ERBB4: variants seen among roughly 807,000 people sequenced by gnomAD.
The protein encoded by ERBB4 is erb-b2 receptor tyrosine kinase 4.
ERBB4 carries 42 observed loss-of-function variants against 158.0 expected under a neutral mutation model. The ratio of observed to expected loss-of-function variants is 0.27; its 90% CI spans 0.21 to 0.34. ERBB4 has a LOEUF of 0.34. Among genes scored for constraint, ERBB4 ranks in the 10% least tolerant of loss-of-function variants. The probability of loss-of-function intolerance (pLI) is 1.00; values close to 1 mark genes in which losing one functional copy is unlikely to be tolerated. For missense variants in ERBB4, 1,333 were observed against 1,624.1 expected, an observed-to-expected ratio of 0.82 and a Z score of 3.08; for synonymous variants, 583 against 558.7, an observed-to-expected ratio of 1.04 and a Z score of -0.61.
At chr2:212,022,417 C>T (rs191252551) in intron 2 of ERBB4, among the ~76,000 whole-genome samples, 210 of 152,164 alleles carry the variant, frequency 1.4e-3, no homozygotes, top group Non-Finnish European at 2.4e-3. Context: ...TTATCCTCAC[C>T]AAATTAAAGC....
intron 1 of ERBB4, among the ~76,000 whole-genome samples, chr2:212,462,915 T>C (rs1336267477): frequency 1.3e-5 from 2 of 152,144 alleles, no homozygotes; most frequent in East Asian, 3.8e-4. Flanking sequence ...TAGAATACTC[T>C]TCAGCCATAA....
intron 3 of ERBB4, among the ~76,000 whole-genome samples, chr2:211,861,673 C>A (rs952532849): frequency 5.7e-4 from 87 of 152,142 alleles, no homozygotes; most frequent in African/African-American, 2.0e-3. Context: ...CTTGGGTTAT[C>A]TTTAAGAATA....
rs144679860 is a variant in ERBB4, at chr2:212,117,990, T to C, written c.234+6762A>G. Among the ~76,000 whole-genome samples the C allele has an allele frequency of 6.3e-3, 966 of 152,278 alleles. 9 individuals carry two copies. The highest frequency in any genetic ancestry group is 0.021 in the African/African-American group (893 of 41,556). On this transcript the variant is annotated intron_variant, in intron 2 of 27. Coordinates refer to ENST00000342788, the MANE Select transcript of ERBB4 (RefSeq NM_005235.3). ...TAAATTATCTATTTATTTTGAAATA[T>C]GTACTCTTCAATGTAGGGTTTTTCT...
At chr2:212,164,796 G>A (rs2081299935) in intron 1 of ERBB4, among the ~76,000 whole-genome samples, 1 of 151,864 alleles carries the variant, frequency 6.6e-6, no homozygotes, top group Non-Finnish European at 1.5e-5. Context: ...TAAACTTGAT[G>A]AAGTTCTAAT....
chr2:211,790,772 T>C (rs2076261485), intron 3 of ERBB4, among the ~76,000 whole-genome samples: 1 of 152,000 alleles, frequency 6.6e-6, no homozygotes, highest in Non-Finnish European at 1.5e-5. Context: ...AGTTTATTTA[T>C]GTATTGTTTG....
At chr2:211,785,188 G>A (rs914168187) in intron 4 of ERBB4, among the ~76,000 whole-genome samples, 1 of 147,586 alleles carries the variant, frequency 6.8e-6, no homozygotes, top group Non-Finnish European at 1.5e-5. Flanking sequence ...TGCAAGCCCC[G>A]CCTCCTGGGT....
At chr2:211,917,301 G>A (rs555539252) in intron 3 of ERBB4, among the ~76,000 whole-genome samples, 15 of 148,208 alleles carry the variant, frequency 1.0e-4, no homozygotes, top group Admixed American at 9.6e-4. Flanking sequence ...CCCATGCTGT[G>A]TGCTACAGAG....
chr2:211,635,583 T>G (rs2070327392), intron 16 of ERBB4, among the ~76,000 whole-genome samples: 1 of 152,096 alleles, frequency 6.6e-6, no homozygotes, highest in South Asian at 2.1e-4. Context: ...ATTGATCAGT[T>G]TCTTTTCAGA....
chr2:211,411,039 G>C (rs942360927), intron 25 of ERBB4, among the ~76,000 whole-genome samples: 6 of 152,174 alleles, frequency 3.9e-5, no homozygotes, highest in Non-Finnish European at 8.8e-5. Context: ...CTCCTGAGTA[G>C]CTGGGATTAT....
At chr2:211,946,730 G>T (rs2080709913) in intron 3 of ERBB4, among the ~76,000 whole-genome samples, 1 of 151,602 alleles carries the variant, frequency 6.6e-6, no homozygotes, top group Non-Finnish European at 1.5e-5. Flanking sequence ...ATACCAAAAA[G>T]CCTCCCACAG....
intron 1 of ERBB4, among the ~76,000 whole-genome samples, chr2:212,346,920 T>G (rs1310786866): frequency 6.6e-6 from 1 of 152,146 alleles, no homozygotes; most frequent in East Asian, 1.9e-4. Context: ...AATATTTTTC[T>G]AGGCACTTTT....
intron 3 of ERBB4, among the ~76,000 whole-genome samples, chr2:211,936,738 A>C (rs1320940443): frequency 6.6e-6 from 1 of 152,136 alleles, no homozygotes; most frequent in Admixed American, 6.5e-5. Context: ...CTGCCTTTGA[A>C]CTATATTTCC....
chr2:212,054,340 G>C (rs1261740058), intron 2 of ERBB4, among the ~76,000 whole-genome samples: 1 of 152,142 alleles, frequency 6.6e-6, no homozygotes, highest in African/African-American at 2.4e-5. Flanking sequence ...TGCTGGAACA[G>C]ATGTAGGCCA....
intron 2 of ERBB4, among the ~76,000 whole-genome samples, chr2:211,986,573 T>C (rs1337450517): frequency 6.6e-6 from 1 of 152,210 alleles, no homozygotes; most frequent in Non-Finnish European, 1.5e-5. Context: ...AGTTAAATAA[T>C]TTTAATTTCA....
intron 1 of ERBB4, among the ~76,000 whole-genome samples, chr2:212,296,906 C>T (rs764372367): frequency 1.3e-4 from 20 of 151,890 alleles, no homozygotes; most frequent in Non-Finnish European, 2.1e-4. Context: ...GATAGACTCT[C>T]CTTCATGATT....
intron 20 of ERBB4, among the ~76,000 whole-genome samples, chr2:211,473,311 G>C (rs1420300341): frequency 6.6e-6 from 1 of 152,098 alleles, no homozygotes; most frequent in Non-Finnish European, 1.5e-5. Context: ...TTCTAGAAGA[G>C]AGTAGGTCCC....
chr2:211,636,255 T>A (rs2070358089), intron 16 of ERBB4, among the ~76,000 whole-genome samples: 1 of 152,048 alleles, frequency 6.6e-6, no homozygotes, highest in South Asian at 2.1e-4. Context: ...CTACTTTGTG[T>A]TAATCTTTCA....
chr2:211,562,467 T>C (rs1048781792), intron 19 of ERBB4, among the ~76,000 whole-genome samples: 5 of 152,188 alleles, frequency 3.3e-5, no homozygotes, highest in Non-Finnish European at 7.3e-5. Flanking sequence ...AAATAATGTA[T>C]ACAAATTTAG....
chr2:212,329,033 C>T (rs1023186399), intron 1 of ERBB4, among the ~76,000 whole-genome samples: 2 of 151,914 alleles, frequency 1.3e-5, no homozygotes, highest in Non-Finnish European at 2.9e-5. Context: ...TTTTAGTGAA[C>T]ATTTTGGAGC....
Sources: allele counts gnomAD v4.1 joint callset (sites outside exome capture counted in the v4.1 genomes callset), GRCh38; gene constraint gnomAD v4.1.1; transcripts MANE v1.5; gene names NCBI Gene and HGNC (gene_info 2026-07-23, HGNC 2026-07-21).